Variants in ZIM2 observed in about 807,000 individuals in gnomAD.
ZIM2 encodes the protein zinc finger imprinted 2, also known as zinc finger protein 656.
Under a neutral mutation model 38.6 loss-of-function variants are expected in ZIM2, and 14 were observed. The ratio of observed to expected loss-of-function variants is 0.36; its 90% CI spans 0.24 to 0.57. The LOEUF is 0.57. Among genes scored for constraint, ZIM2 ranks in the 20% least tolerant of loss-of-function variants. The pLI, the probability that ZIM2 is intolerant of heterozygous loss-of-function variation, is 0.81. For synonymous variants in ZIM2, 247 were observed against 245.8 expected (o/e 1.00, Z -0.04); for missense variants, 680 against 695.1 (o/e 0.98, Z 0.24).
At chr19:56,777,759 T>TAAA (rs2046096996) in intron 12 of ZIM2, among the ~76,000 whole-genome samples, 2 of 152,342 alleles carry the variant, frequency 1.3e-5, no homozygotes, top group South Asian at 4.1e-4. Flanking sequence ...AGCAAAGTTC[T>TAAA]AAAATATCAA....
intron 3 of ZIM2, among the ~76,000 whole-genome samples, chr19:56,826,145 C>T (rs1252321001): frequency 2.0e-5 from 3 of 152,140 alleles, no homozygotes; most frequent in African/African-American, 7.2e-5. Context: ...AGAAGAATCC[C>T]AAAGCAAGGG....
chr19:56,804,663 G>A (rs2047674775), intron 9 of ZIM2, among the ~76,000 whole-genome samples: 1 of 152,198 alleles, frequency 6.6e-6, no homozygotes, highest in East Asian at 1.9e-4. Flanking sequence ...CACTCAGTAT[G>A]ATTAGAATGG....
At chr19:56,811,975 C>A (rs1249312349) in intron 9 of ZIM2, 4 of 985,292 alleles carry the variant, frequency 4.1e-6, no homozygotes, top group Non-Finnish European at 4.8e-6. Context: ...TCTTCCTAAA[C>A]TTTGACACTC....
intron 9 of ZIM2, chr19:56,817,003 T>C (rs767916930): frequency 5.0e-6 from 8 of 1,613,858 alleles, no homozygotes; most frequent in Non-Finnish European, 6.8e-6. Context: ...ACCATACTCA[T>C]AGAGGTTCTC....
chr19:56,818,745 C>A (rs1439618398), intron 7 of ZIM2, 43 bp from the exon 8 acceptor site: 23 of 1,600,414 alleles, frequency 1.4e-5, no homozygotes, highest in Non-Finnish European at 2.0e-5. Flanking sequence ...TCTGTCCCCA[C>A]CGATGTTCAA....
chr19:56,789,934 A>G lies in ZIM2; in HGVS notation c.508T>C (p.Ser170Pro). The change falls in exon 10 of 13, where the codon TCT becomes CCT. Residue 170 changes from serine (S) to proline (P), a missense_variant. Transcript: ENST00000629319. ...STSRGFLAQD[S>P]VPAEKRNTEM... Reference sequence around the variant, plus strand: ...GTGTTCCTCTTTTCTGCAGGGACAGAGTCCTGAGCAAGGAAACCTAGAAGG... The same window carrying G: ...GTGTTCCTCTTTTCTGCAGGGACAGGGTCCTGAGCAAGGAAACCTAGAAGG... 1.3e-6 allele frequency: 2 copies of G among 1,568,226 alleles called. No individual in the cohort carries two copies. Among genetic ancestry groups the G allele is most frequent in the South Asian group, 2.4e-5 (2 of 83,902 alleles).
intron 5 of ZIM2, among the ~76,000 whole-genome samples, chr19:56,823,299 A>G (rs576679918): frequency 6.6e-6 from 1 of 152,344 alleles, no homozygotes; most frequent in South Asian, 2.1e-4. Flanking sequence ...TCTTTAATGA[A>G]CCTTCCTGAG....
At chr19:56,781,039 A>G (rs561679978) in intron 11 of ZIM2, among the ~76,000 whole-genome samples, 17 of 152,358 alleles carry the variant, frequency 1.1e-4, no homozygotes, top group African/African-American at 3.6e-4. Flanking sequence ...GGAATGATAC[A>G]ATTAATTTAT....
intron 10 of ZIM2, among the ~76,000 whole-genome samples, chr19:56,789,215 A>C (rs1486162781): frequency 3.3e-5 from 5 of 152,204 alleles, no homozygotes; most frequent in Non-Finnish European, 7.4e-5. Flanking sequence ...CTTCATAGTT[A>C]TGCTAAAAAT....
intron 9 of ZIM2, chr19:56,812,832 A>C (rs1266718780): frequency 1.0e-6 from 1 of 983,098 alleles, no homozygotes; most frequent in African/African-American, 1.8e-5. Context: ...AAAAAAAAAA[A>C]CCCAGAACAC....
intron 10 of ZIM2, among the ~76,000 whole-genome samples, chr19:56,784,262 G>A (rs1213981818): frequency 1.3e-5 from 2 of 152,114 alleles, no homozygotes; most frequent in Non-Finnish European, 2.9e-5. Flanking sequence ...ATTTAGCATA[G>A]AGAGCAATCT....
chr19:56,824,365 G>A lies in ZIM2; in HGVS notation c.-88C>T, dbSNP rs757214529. 6.2e-7 allele frequency: 1 copy of A among 1,614,186 alleles called. No individual in the cohort carries two copies. The highest frequency in any genetic ancestry group is 1.1e-5 in the South Asian group (1 of 91,086). ...CCCAAGGCTTGAGCTTTTCAGGGAT[G>A]ATGGTCAGGTACTGCTCAAGGACCA... On this transcript the variant is annotated 5_prime_UTR_variant, in exon 4 of 13. Transcript: ENST00000629319.
intron 6 of ZIM2, among the ~76,000 whole-genome samples, chr19:56,822,018 G>T (rs749394726): frequency 3.3e-5 from 5 of 152,136 alleles, no homozygotes; most frequent in Non-Finnish European, 7.4e-5. Context: ...CCCAAGCTGT[G>T]TGGGTCCAGG....
At chr19:56,805,597 T>A (rs898962964) in intron 9 of ZIM2, among the ~76,000 whole-genome samples, 1 of 152,200 alleles carries the variant, frequency 6.6e-6, no homozygotes, top group African/African-American at 2.4e-5. Context: ...TCACCAGTGA[T>A]GGCATATGGA....
intron 9 of ZIM2, 130 bp from the exon 10 acceptor site, chr19:56,790,081 G>A (rs1303927114): frequency 8.7e-6 from 5 of 571,784 alleles, no homozygotes; most frequent in Admixed American, 8.4e-5. Flanking sequence ...TTCCTATGGT[G>A]AGAAAGTCAG....
intron 9 of ZIM2, among the ~76,000 whole-genome samples, chr19:56,804,214 C>T (rs1031028184): frequency 2.0e-5 from 3 of 152,174 alleles, no homozygotes; most frequent in South Asian, 2.1e-4. Context: ...CATAGTTATG[C>T]CCAGAGGCCT....
intron 9 of ZIM2, among the ~76,000 whole-genome samples, chr19:56,805,435 T>C (rs565904123): frequency 6.6e-6 from 1 of 152,302 alleles, no homozygotes; most frequent in African/African-American, 2.4e-5. Flanking sequence ...ATGTGACCCA[T>C]CATGGACCAA....
rs1203814217 is a variant in ZIM2, at chr19:56,802,833, G to A, written c.491-12882C>T. Among the ~76,000 whole-genome samples the A allele has an allele frequency of 4.6e-5, 7 of 152,378 alleles. No individual in the cohort carries two copies. In the South Asian group the frequency reaches 8.3e-4, roughly 18 times the overall value. On this transcript the variant is annotated intron_variant, in intron 9 of 12. Coordinates refer to ENST00000629319, the MANE Select transcript of ZIM2 (RefSeq NM_001387356.1). ...ATCTGACCATTTCGAATGGATGGGA[G>A]AATGTGACCAAGCATTCCAAAAGCT...
chr19:56,817,837 T>G lies in ZIM2; in HGVS notation c.399A>C (p.Gly133=), dbSNP rs776225692. Residue 133 remains glycine (G), a splice_region_variant and synonymous_variant, in exon 9 of 13, where the codon GGA becomes GGC. Coordinates refer to ENST00000629319, the MANE Select transcript of ZIM2 (RefSeq NM_001387356.1). ...MENYRKLLSL[G]VQLAEDDGHS... The stretch of plus-strand genomic sequence containing the variant: ...GGCCATCGTCTTCAGCAAGCTGCAC[T>G]CCTGGTCACAAGGACAATATGATGC... The G allele has an allele frequency of 6.2e-7, 1 of 1,613,450 alleles. No individual in the cohort carries two copies. Among genetic ancestry groups the G allele is most frequent in the Non-Finnish European group, 8.5e-7 (1 of 1,179,548 alleles).
Sources: allele counts gnomAD v4.1 joint callset (sites outside exome capture counted in the v4.1 genomes callset), GRCh38; gene constraint gnomAD v4.1.1; transcripts MANE v1.5; gene names NCBI Gene and HGNC (gene_info 2026-07-23, HGNC 2026-07-21).